The following CALD1 variants were observed in gnomAD, a reference collection of about 807,000 sequenced individuals.
The protein encoded by CALD1 is caldesmon.
In CALD1, 33 loss-of-function variants were observed where a neutral mutation model predicts 99.9. The observed-to-expected ratio is 0.33, with a 90% CI of 0.25 to 0.44. The LOEUF (loss-of-function observed/expected upper bound fraction) is 0.44, where lower values mean the gene tolerates loss of function less well. Among genes scored for constraint, CALD1 ranks in the 20% least tolerant of loss-of-function variants. The pLI is 1.00. For synonymous variants in CALD1, 310 were observed against 325.0 expected, an observed-to-expected ratio of 0.95 and a Z score of 0.50; for missense variants, 861 against 962.1, an observed-to-expected ratio of 0.89 and a Z score of 1.39.
chr7:134,892,638 G>A (rs1802287865), intron 3 of CALD1, among the ~76,000 whole-genome samples: 1 of 152,210 alleles, frequency 6.6e-6, no homozygotes, highest in African/African-American at 2.4e-5. Flanking sequence ...TGGAGAGCTA[G>A]TTTCCGTAAG....
chr7:134,761,311 C>T (rs1796774209), intron 1 of CALD1, among the ~76,000 whole-genome samples: 1 of 152,122 alleles, frequency 6.6e-6, no homozygotes, highest in Non-Finnish European at 1.5e-5. Context: ...CCTCTCTGCG[C>T]GCAGTGGAAT....
chr7:134,876,746 T>G (rs1162571521), intron 3 of CALD1, among the ~76,000 whole-genome samples: 1 of 152,254 alleles, frequency 6.6e-6, no homozygotes, highest in African/African-American at 2.4e-5. Context: ...AACTAAGTTA[T>G]GTAGGATTTC....
chr7:134,803,784 C>T (rs1464904604), intron 1 of CALD1, among the ~76,000 whole-genome samples: 1 of 151,458 alleles, frequency 6.6e-6, no homozygotes, highest in Non-Finnish European at 1.5e-5. Flanking sequence ...CAACCTTCGC[C>T]TCCTGGGTTT....
At chr7:134,898,948 T>C (rs1013891292) in intron 3 of CALD1, among the ~76,000 whole-genome samples, 3 of 152,370 alleles carry the variant, frequency 2.0e-5, no homozygotes, top group Middle Eastern at 6.8e-3. Context: ...TTGCCTGATA[T>C]TATCTACTCT....
At chr7:134,761,722 T>C (rs768938916) in intron 1 of CALD1, among the ~76,000 whole-genome samples, 1 of 152,216 alleles carries the variant, frequency 6.6e-6, no homozygotes, top group Non-Finnish European at 1.5e-5. Flanking sequence ...TCTAAACTTG[T>C]CTTTGCTTCT....
At chr7:134,955,139 C>T (rs1807665336) in intron 9 of CALD1, among the ~76,000 whole-genome samples, 1 of 152,226 alleles carries the variant, frequency 6.6e-6, no homozygotes. Flanking sequence ...CACCTGTAAT[C>T]CCAGCACTTT....
At chr7:134,726,993 C>T in the CALD1 span, among the ~76,000 whole-genome samples, 1 of 152,192 alleles carries the variant, frequency 6.6e-6, no homozygotes, top group African/African-American at 2.4e-5. Context: ...AAATGTTCCT[C>T]CTCCTCACAG....
chr7:134,916,638 C>T (rs1296815936), intron 3 of CALD1, among the ~76,000 whole-genome samples: 1 of 152,236 alleles, frequency 6.6e-6, no homozygotes, highest in Admixed American at 6.5e-5. Flanking sequence ...ATTGGCATGT[C>T]TGCAATACCA....
chr7:134,813,186 C>T (rs373216142), intron 1 of CALD1, among the ~76,000 whole-genome samples: 3 of 152,202 alleles, frequency 2.0e-5, no homozygotes, highest in African/African-American at 7.2e-5. Context: ...GCCTGATTGG[C>T]ATGGGTTCAA....
upstream of CALD1, among the ~76,000 whole-genome samples, chr7:134,777,147 T>C (rs1358517516): frequency 6.6e-6 from 1 of 151,474 alleles, no homozygotes; most frequent in Non-Finnish European, 1.5e-5. Flanking sequence ...AACATGTATC[T>C]TTTTTTTTCC....
At chr7:134,910,806 A>C (rs1170301735) in intron 3 of CALD1, among the ~76,000 whole-genome samples, 1 of 152,212 alleles carries the variant, frequency 6.6e-6, no homozygotes, top group Non-Finnish European at 1.5e-5. Flanking sequence ...CTTCTTAGTA[A>C]GTAAAATATC....
chr7:134,914,543 T>C (rs1804061694), intron 3 of CALD1, among the ~76,000 whole-genome samples: 1 of 152,230 alleles, frequency 6.6e-6, no homozygotes, highest in Non-Finnish European at 1.5e-5. Flanking sequence ...CTTCGTTAAA[T>C]GATTGGTCTG....
intron 1 of CALD1, among the ~76,000 whole-genome samples, chr7:134,774,367 C>A (rs1004096669): frequency 1.3e-5 from 2 of 152,026 alleles, no homozygotes; most frequent in Non-Finnish European, 2.9e-5. Context: ...GTCCTGGGAG[C>A]CCTGCAGGGT....
At chr7:134,929,846 C>T (rs1805398664) in intron 4 of CALD1, among the ~76,000 whole-genome samples, 1 of 150,304 alleles carries the variant, frequency 6.7e-6, no homozygotes, top group Non-Finnish European at 1.5e-5. Context: ...AATGTTAGTT[C>T]TACTTTTAGT....
the CALD1 span, among the ~76,000 whole-genome samples, chr7:134,730,674 AAAAT>A: frequency 2.0e-5 from 3 of 152,384 alleles, no homozygotes; most frequent in Middle Eastern, 0.01. Context: ...TTAGAATAAA[AAAAT>A]AAATAAAACA....
At chr7:134,956,226 A>T (rs550586721) in intron 9 of CALD1, among the ~76,000 whole-genome samples, 1 of 152,044 alleles carries the variant, frequency 6.6e-6, no homozygotes, top group East Asian at 1.9e-4. Context: ...GATATTAGAG[A>T]GGAAGCATGT....
At chr7:134,940,171 C>T (rs1178806409) in intron 6 of CALD1, among the ~76,000 whole-genome samples, 1 of 152,168 alleles carries the variant, frequency 6.6e-6, no homozygotes, top group Non-Finnish European at 1.5e-5. Flanking sequence ...ATGCACCTCA[C>T]CTGTTTTCAC....
chr7:134,821,416 A>T (rs1240339613), intron 1 of CALD1, among the ~76,000 whole-genome samples: 8 of 152,286 alleles, frequency 5.3e-5, no homozygotes, highest in African/African-American at 1.9e-4. Flanking sequence ...ATATTAGACT[A>T]CATTTATAAA....
intron 3 of CALD1, among the ~76,000 whole-genome samples, chr7:134,915,090 C>T (rs115794385): frequency 0.019 from 2,919 of 152,318 alleles, 88 homozygotes; most frequent in African/African-American, 0.067. Flanking sequence ...CAGCATCCCA[C>T]AACCGCAAGT....
Sources: gnomAD v4.1 joint callset for allele counts (sites outside exome capture counted in the v4.1 genomes callset) on GRCh38, gnomAD v4.1.1 for gene constraint, MANE v1.5 for transcripts, NCBI Gene and HGNC (gene_info 2026-07-23, HGNC 2026-07-21) for gene names.